The following TAFA1 variants were observed in gnomAD, a reference collection of about 807,000 sequenced individuals.
TAFA1 encodes the protein chemokine-like protein TAFA-1.
A neutral mutation model predicts 18.5 loss-of-function variants in TAFA1; 4 were observed. The ratio of observed to expected loss-of-function variants is 0.22; its 90% CI spans 0.11 to 0.49. TAFA1 has a LOEUF of 0.49. Ranked by LOEUF, TAFA1 falls within the 20% of genes least tolerant of loss-of-function variation. The pLI is 0.98. For synonymous variants in TAFA1, 56 were observed against 55.2 expected, an observed-to-expected ratio of 1.01 and a Z score of -0.06; for missense variants, 147 against 169.0, an observed-to-expected ratio of 0.87 and a Z score of 0.72.
At chr3:68,124,866 G>A (rs2106868723) in intron 2 of TAFA1, among the ~76,000 whole-genome samples, 1 of 152,274 alleles carries the variant, frequency 6.6e-6, no homozygotes. Flanking sequence ...CTGTCTTAGA[G>A]CTTCTGTAAG....
chr3:68,539,684 GGCA>G (rs1320879435), intron 4 of TAFA1, among the ~76,000 whole-genome samples: 5 of 53,680 alleles, frequency 9.3e-5, no homozygotes, highest in South Asian at 1.6e-3. Context: ...TGTGTGGGGG[GGCA>G]TGGGGTGGGT....
At chr3:68,067,279 A>T (rs1244594445) in intron 2 of TAFA1, among the ~76,000 whole-genome samples, 1 of 152,120 alleles carries the variant, frequency 6.6e-6, no homozygotes, top group Non-Finnish European at 1.5e-5. Flanking sequence ...CATTTTTATG[A>T]TCTTCTTAAT....
rs535085231 is a variant in TAFA1 at position 68,313,150 on chromosome 3, A to G, written c.119-104130A>G. ...ACACATGGGAAATATGGGAGCTACA[A>G]GATGAGATTTGGGCGGGGACACAAA... On this transcript the variant is annotated intron_variant, in intron 2 of 4. Coordinates refer to ENST00000478136, the MANE Select transcript of TAFA1 (RefSeq NM_213609.4). 5.3e-5 allele frequency among the ~76,000 whole-genome samples: 8 copies of G among 152,358 alleles called. No individual in the cohort carries two copies. The South Asian group carries it at 1.7e-3, about 32-fold the overall frequency.
intron 2 of TAFA1, among the ~76,000 whole-genome samples, chr3:68,196,226 C>A (rs544122182): frequency 2.0e-5 from 3 of 151,874 alleles, no homozygotes; most frequent in East Asian, 2.0e-4. Flanking sequence ...TCCCCTAAGT[C>A]TTCAAAAGTG....
chr3:68,380,862 G>T (rs1437358437), intron 2 of TAFA1, among the ~76,000 whole-genome samples: 2 of 149,528 alleles, frequency 1.3e-5, no homozygotes, highest in East Asian at 3.9e-4. Context: ...TGTCCTGAAT[G>T]GTATTGCCTA....
At chr3:68,297,939 CAAT>C (rs1289637603) in intron 2 of TAFA1, among the ~76,000 whole-genome samples, 131 of 152,232 alleles carry the variant, frequency 8.6e-4, no homozygotes, top group African/African-American at 3.1e-3. Flanking sequence ...GTTTTTCACT[CAAT>C]AAGAACTTAC....
chr3:68,455,336 C>G (rs901940594), intron 3 of TAFA1, among the ~76,000 whole-genome samples: 1 of 151,958 alleles, frequency 6.6e-6, no homozygotes, highest in African/African-American at 2.4e-5. Context: ...AGAAATGCAT[C>G]ATAACATTTG....
At chr3:68,022,485 G>A (rs1157684012) in intron 2 of TAFA1, among the ~76,000 whole-genome samples, 1 of 151,974 alleles carries the variant, frequency 6.6e-6, no homozygotes, top group East Asian at 1.9e-4. Flanking sequence ...GCTGTTGGTG[G>A]GGGGAAGGGT....
At chr3:68,499,336 G>C (rs371071559) in intron 3 of TAFA1, among the ~76,000 whole-genome samples, 5 of 151,780 alleles carry the variant, frequency 3.3e-5, no homozygotes, top group African/African-American at 9.6e-5. Context: ...CAAAATGGCA[G>C]ACTGAACCAA....
chr3:68,467,079 T>C (rs1012053123), intron 3 of TAFA1, among the ~76,000 whole-genome samples: 1 of 152,190 alleles, frequency 6.6e-6, no homozygotes, highest in Non-Finnish European at 1.5e-5. Flanking sequence ...ATAAGAGAAA[T>C]ATGGCTCTGT....
At chr3:68,083,892 C>T (rs1302454966) in intron 2 of TAFA1, among the ~76,000 whole-genome samples, 4 of 152,186 alleles carry the variant, frequency 2.6e-5, no homozygotes, top group African/African-American at 9.7e-5. Flanking sequence ...CCCTCCCGAC[C>T]TGTATATTAC....
At chr3:68,320,884 T>C (rs553737594) in intron 2 of TAFA1, among the ~76,000 whole-genome samples, 5 of 152,166 alleles carry the variant, frequency 3.3e-5, no homozygotes, top group Non-Finnish European at 5.9e-5. Context: ...TGCAGTCAGA[T>C]AGACTCCCTC....
chr3:68,331,703 C>T (rs1212866013), intron 2 of TAFA1, among the ~76,000 whole-genome samples: 1 of 151,942 alleles, frequency 6.6e-6, no homozygotes, highest in Non-Finnish European at 1.5e-5. Context: ...TTCCTGATTG[C>T]AAATTATATT....
chr3:68,395,964 A>G (rs1218268375), intron 2 of TAFA1, among the ~76,000 whole-genome samples: 1 of 151,594 alleles, frequency 6.6e-6, no homozygotes, highest in African/African-American at 2.4e-5. Flanking sequence ...ATAATAAAAT[A>G]TCTACTGGCA....
intron 2 of TAFA1, among the ~76,000 whole-genome samples, chr3:68,114,550 A>G (rs7624596): frequency 0.89 from 135,292 of 152,224 alleles, 60,489 homozygotes; most frequent in South Asian, 0.95. Context: ...TACCAGAATA[A>G]CTAAAATTAA....
At chr3:68,528,159 C>A (rs1021152783) in intron 3 of TAFA1, among the ~76,000 whole-genome samples, 1 of 152,130 alleles carries the variant, frequency 6.6e-6, no homozygotes, top group East Asian at 1.9e-4. Context: ...ATAATAAACA[C>A]ATGGATAAAT....
At chr3:68,226,693 C>T (rs1411544898) in intron 2 of TAFA1, among the ~76,000 whole-genome samples, 1 of 152,112 alleles carries the variant, frequency 6.6e-6, no homozygotes, top group East Asian at 1.9e-4. Flanking sequence ...AGACTCTCAA[C>T]CACCCTGAGA....
At chr3:68,456,791 T>C (rs2071674886) in intron 3 of TAFA1, among the ~76,000 whole-genome samples, 1 of 152,192 alleles carries the variant, frequency 6.6e-6, no homozygotes. Context: ...TTCTTTTTTC[T>C]TTTTTTACAA....
chr3:68,298,419 C>A (rs144759322), intron 2 of TAFA1, among the ~76,000 whole-genome samples: 1 of 151,956 alleles, frequency 6.6e-6, no homozygotes, highest in Non-Finnish European at 1.5e-5. Flanking sequence ...ATGAAAGGGA[C>A]AGAAAAAGGA....
Sources: allele counts gnomAD v4.1 joint callset (sites outside exome capture counted in the v4.1 genomes callset), GRCh38; gene constraint gnomAD v4.1.1; transcripts MANE v1.5; gene names NCBI Gene and HGNC (gene_info 2026-07-23, HGNC 2026-07-21).